The following FRAS1 variants were observed in gnomAD, a reference collection of about 807,000 sequenced individuals.
FRAS1 encodes extracellular matrix organizing protein FRAS1.
A neutral mutation model predicts 435.2 loss-of-function variants in FRAS1; 290 were observed. That is an observed-to-expected ratio of 0.67 (90% confidence interval 0.61 to 0.73). The LOEUF (loss-of-function observed/expected upper bound fraction) is 0.73. Ranked by LOEUF, FRAS1 falls within the 30% of genes least tolerant of loss-of-function variation. The pLI, the probability that FRAS1 is intolerant of heterozygous loss-of-function variation, is 0.00. For synonymous variants in FRAS1, 1,800 were observed against 1,851.0 expected (o/e 0.97, Z 0.71); for missense variants, 4,860 against 5,001.5 (o/e 0.97, Z 0.85).
chr4:78,501,162 T>G (rs1035260564), intron 61 of FRAS1, among the ~76,000 whole-genome samples: 1 of 152,150 alleles, frequency 6.6e-6, no homozygotes, highest in South Asian at 2.1e-4. Flanking sequence ...TTCCCTGCCC[T>G]GTGTCCAAGT....
chr4:78,097,050 G>T (rs1741850117), intron 2 of FRAS1, among the ~76,000 whole-genome samples: 1 of 152,144 alleles, frequency 6.6e-6, no homozygotes, highest in African/African-American at 2.4e-5. Context: ...ATGCTTTGCT[G>T]CTTAGAAATT....
chr4:78,430,314 T>C lies in FRAS1; in HGVS notation c.4866T>C (p.Asp1622=), dbSNP rs772422840. The C allele has an allele frequency of 1.9e-6, 3 of 1,613,954 alleles. No homozygotes were observed. The South Asian group carries it at 3.3e-5, about 18-fold the overall frequency. ...TSVGLQVVVR[D]AETAPKELFF... ...CAGGACTTCAGGTGGTAGTAAGAGATGCTGAGACAGCGCCCAAAGAACTCT... is the reference window on the plus strand; with the variant it reads ...CAGGACTTCAGGTGGTAGTAAGAGACGCTGAGACAGCGCCCAAAGAACTCT... The change falls in exon 37 of 74, where the codon GAT becomes GAC. Residue 1622 remains aspartate (D), a synonymous_variant. Transcript: ENST00000512123.
chr4:78,302,982 T>C (rs1239018015), intron 14 of FRAS1, among the ~76,000 whole-genome samples: 1 of 152,200 alleles, frequency 6.6e-6, no homozygotes, highest in African/African-American at 2.4e-5. Flanking sequence ...AGGGTTTTTA[T>C]GGTTTTAGGA....
At chr4:78,329,639 C>G (rs186547591) in intron 18 of FRAS1, among the ~76,000 whole-genome samples, 1 of 152,272 alleles carries the variant, frequency 6.6e-6, no homozygotes, top group Non-Finnish European at 1.5e-5. Flanking sequence ...GTCTCGAGTA[C>G]CACATGCAAA....
intron 65 of FRAS1, among the ~76,000 whole-genome samples, chr4:78,514,184 A>G (rs2109887078): frequency 6.6e-6 from 1 of 152,388 alleles, no homozygotes; most frequent in East Asian, 1.9e-4. Context: ...TGACACAGCC[A>G]GACCCTTATA....
intron 2 of FRAS1, among the ~76,000 whole-genome samples, chr4:78,199,747 T>TA (rs1722969421): frequency 6.6e-6 from 1 of 152,150 alleles, no homozygotes; most frequent in African/African-American, 2.4e-5. Context: ...AGAAAATAAG[T>TA]AGTGCATTAG....
chr4:78,289,219 A>G (rs1395372245), intron 14 of FRAS1, among the ~76,000 whole-genome samples: 1 of 150,702 alleles, frequency 6.6e-6, no homozygotes, highest in South Asian at 2.1e-4. Context: ...CTGCCTGAGA[A>G]TCTTACCCAT....
intron 2 of FRAS1, among the ~76,000 whole-genome samples, chr4:78,151,702 A>G (rs1234698493): frequency 6.6e-6 from 1 of 152,180 alleles, no homozygotes. Flanking sequence ...TCTTAAATAT[A>G]CAAGTTCCTC....
At chr4:78,488,708 C>A (rs1720248227) in intron 58 of FRAS1, among the ~76,000 whole-genome samples, 167 bp from the exon 59 acceptor site, 1 of 152,198 alleles carries the variant, frequency 6.6e-6, no homozygotes, top group African/African-American at 2.4e-5. Flanking sequence ...GTCCTGAGAG[C>A]AACAACCATG....
In FRAS1 at chr4:78,364,043, A is replaced by T. The variant is rs781553234; in HGVS notation, c.2711A>T (p.His904Leu). 1 of 1,588,536 alleles carries T rather than the reference A, an allele frequency of 6.3e-7. No individual in the cohort carries two copies. The highest frequency in any genetic ancestry group is 1.3e-5 in the African/African-American group (1 of 74,500). ...CFPGHYLDDN[H>L]VCQPCNTHCG... Reference sequence around the variant, plus strand: ...CCTGGGCACTATCTTGATGACAATCATGTTTGCCAGCGTAGGTTTTTCCAA... The same window carrying T: ...CCTGGGCACTATCTTGATGACAATCTTGTTTGCCAGCGTAGGTTTTTCCAA... The change falls in exon 22 of 74, where the codon CAT (histidine) becomes CTT (leucine). Residue 904 changes from histidine to leucine, a missense_variant. His to Leu is a moderately conservative substitution (Grantham distance 99). Transcript: ENST00000512123.
At chr4:78,218,098 T>TCACACACACA (rs1553931228) in intron 2 of FRAS1, among the ~76,000 whole-genome samples, 4,387 of 39,630 alleles carry the variant, frequency 0.11, 658 homozygotes, top group Middle Eastern at 0.18. Context: ...TCACTCTCTC[T>TCACACACACA]CACACACACA....
intron 2 of FRAS1, among the ~76,000 whole-genome samples, chr4:78,179,831 A>G (rs995427365): frequency 6.6e-6 from 1 of 152,216 alleles, no homozygotes; most frequent in South Asian, 2.1e-4. Context: ...ACCCAGGGAA[A>G]TGCAGGGAGT....
At chr4:78,114,541 T>G (rs1255160897) in intron 2 of FRAS1, among the ~76,000 whole-genome samples, 2 of 152,278 alleles carry the variant, frequency 1.3e-5, no homozygotes, top group South Asian at 4.2e-4. Flanking sequence ...AAGAGGTCCT[T>G]CATGTCCCTT....
At chr4:78,121,797 C>T (rs1024441879) in intron 2 of FRAS1, among the ~76,000 whole-genome samples, 3 of 152,032 alleles carry the variant, frequency 2.0e-5, no homozygotes, top group African/African-American at 4.8e-5. Flanking sequence ...TCTCATAGCA[C>T]GTAAGGCAAA....
intron 2 of FRAS1, among the ~76,000 whole-genome samples, chr4:78,205,851 C>T (rs1287492533): frequency 6.6e-6 from 1 of 152,000 alleles, no homozygotes; most frequent in Non-Finnish European, 1.5e-5. Flanking sequence ...AACTGAATGA[C>T]GCCTGTTTCC....
chr4:78,057,378 T>TGGTGC lies in FRAS1; in HGVS notation c.-624_-620dup, dbSNP rs1378112199. 6.6e-6 allele frequency among the ~76,000 whole-genome samples: 1 copy of TGGTGC among 152,086 alleles called. No individual in the cohort carries two copies. Among genetic ancestry groups the TGGTGC allele is most frequent in the Non-Finnish European group, 1.5e-5 (1 of 68,014 alleles). On this transcript the variant is annotated 5_prime_UTR_variant, in exon 1 of 74. Transcript: ENST00000512123. This position sits in a 1 kb window ranked among gnomAD's most constrained non-coding sequence, Gnocchi z 4.2. ...TCAGGGAGCGCAGCCTGAGGCGGTG[T>TGGTGC]GGTGCGGTGCGGCTGCAGGGCGGGC... is the stretch of plus-strand genomic sequence containing the variant.
chr4:78,319,042 C>G (rs11727404), intron 18 of FRAS1, 56 bp downstream of exon 18: 446,235 of 1,537,538 alleles, frequency 0.29, 71,425 homozygotes, highest in Non-Finnish European at 0.33. Flanking sequence ...CTTGAGAGAT[C>G]CTGTGAGGTG....
intron 9 of FRAS1, among the ~76,000 whole-genome samples, chr4:78,273,920 T>C (rs993938220): frequency 6.6e-6 from 1 of 152,222 alleles, no homozygotes; most frequent in African/African-American, 2.4e-5. Flanking sequence ...TCTGGTAGAA[T>C]TCGGCTGTGA....
At position 78,540,987 on chromosome 4, in the gene FRAS1, A is replaced by G. The variant is rs550166836; in HGVS notation, c.11902A>G (p.Arg3968Gly). 71 of 1,613,148 alleles carry G rather than the reference A, an allele frequency of 4.4e-5. No individual in the cohort carries two copies. In the East Asian group the frequency reaches 1.5e-3, roughly 35 times the overall value. Residue 3968 changes from arginine to glycine, a missense_variant, in exon 74 of 74, where the codon AGA (arginine) becomes GGA (glycine). Physicochemically the swap from Arg to Gly is moderately radical, Grantham distance 125. Transcript: ENST00000512123. ...GGACCGGGTGGAGAAGAACGTGAAT[A>G]GACACTACTGCACTGTGCGGAACGT... is the stretch of plus-strand genomic sequence containing the variant. ...HPDRVEKNVNRHYCTVRNVNI... is the reference protein window; with the variant it reads ...HPDRVEKNVNGHYCTVRNVNI...
Sources: gnomAD v4.1 joint callset for allele counts (sites outside exome capture counted in the v4.1 genomes callset) on GRCh38, gnomAD v4.1.1 for gene constraint, Gnocchi (gnomAD v3.1) non-coding constraint, MANE v1.5 for transcripts, NCBI Gene and HGNC (gene_info 2026-07-23, HGNC 2026-07-21) for gene names.